KAZN: variants seen among roughly 807,000 people sequenced by gnomAD.
KAZN encodes the protein kazrin, periplakin interacting protein.
A neutral mutation model predicts 87.4 loss-of-function variants in KAZN; 40 were observed. The ratio of observed to expected loss-of-function variants is 0.46; its 90% CI spans 0.36 to 0.60. The LOEUF is 0.60. KAZN is among the 20% of genes least tolerant of loss of function. The probability of loss-of-function intolerance (pLI) is 0.00; values close to 1 mark genes in which losing one functional copy is unlikely to be tolerated. For missense variants in KAZN, 898 were observed against 1,073.9 expected (o/e 0.84, Z 2.29); for synonymous variants, 466 against 458.3 (o/e 1.02, Z -0.22).
intron 1 of KAZN, among the ~76,000 whole-genome samples, chr1:14,141,766 A>AT (rs1038955385): frequency 8.5e-5 from 13 of 152,106 alleles, no homozygotes; most frequent in Admixed American, 7.2e-4. Flanking sequence ...ACTGAATGCA[A>AT]TTTTTTTAAG....
intron 2 of KAZN, among the ~76,000 whole-genome samples, chr1:14,987,142 G>T (rs1268006384): frequency 6.6e-6 from 1 of 152,114 alleles, no homozygotes; most frequent in Non-Finnish European, 1.5e-5. Flanking sequence ...TACTATGAAG[G>T]ATTCAAATGG....
At chr1:15,101,275 TTCTC>T (rs1274364547) in intron 10 of KAZN, among the ~76,000 whole-genome samples, 1 of 151,744 alleles carries the variant, frequency 6.6e-6, no homozygotes, top group Non-Finnish European at 1.5e-5. Flanking sequence ...TCTCTCTTTG[TTCTC>T]TCTTTCTGTG....
intron 2 of KAZN, among the ~76,000 whole-genome samples, chr1:14,330,731 A>G (rs774807514): frequency 6.6e-6 from 1 of 151,652 alleles, no homozygotes; most frequent in African/African-American, 2.4e-5. Context: ...AGCAACTGGA[A>G]AAAAAAAATT....
chr1:14,031,532 GA>G (rs1199848434), intron 1 of KAZN, among the ~76,000 whole-genome samples: 1 of 152,184 alleles, frequency 6.6e-6, no homozygotes, highest in Non-Finnish European at 1.5e-5. Context: ...CAAGGAAAAT[GA>G]AAAGATATGT....
intron 1 of KAZN, among the ~76,000 whole-genome samples, chr1:14,095,724 A>C (rs192848599): frequency 1.3e-5 from 2 of 152,304 alleles, no homozygotes; most frequent in East Asian, 3.9e-4. Flanking sequence ...ACAAGATTGC[A>C]GCCTCAAACT....
chr1:14,714,267 A>T (rs141623921), intron 1 of KAZN, among the ~76,000 whole-genome samples: 1 of 152,138 alleles, frequency 6.6e-6, no homozygotes, highest in Non-Finnish European at 1.5e-5. Context: ...TCCCTTCTCA[A>T]GAGGCATCTG....
In KAZN at chr1:14,949,907, C is replaced by T. The variant is rs143898147; in HGVS notation, c.227-10777C>T. On this transcript the variant is annotated intron_variant, in intron 1 of 14. Transcript: ENST00000376030. The surrounding 1 kb of genome is among the most constrained non-coding windows in gnomAD (Gnocchi z 4.3). ...GGCAGCAAGATGGTAGAAGAGGATC[C>T]GCTTGGCACTCAGGGCACCGAGGAG... Among the ~76,000 whole-genome samples the T allele has an allele frequency of 5.4e-3, 820 of 152,126 alleles. 7 individuals are homozygous for T. The highest frequency in any genetic ancestry group is 0.019 in the African/African-American group (790 of 41,464).
chr1:14,419,339 G>A (rs929569584), intron 2 of KAZN, among the ~76,000 whole-genome samples: 1 of 152,194 alleles, frequency 6.6e-6, no homozygotes, highest in African/African-American at 2.4e-5. Context: ...TGACGTCCGT[G>A]ATCTTTCCAC....
intron 1 of KAZN, among the ~76,000 whole-genome samples, chr1:14,887,076 A>C (rs1291085042): frequency 1.3e-5 from 2 of 152,166 alleles, no homozygotes; most frequent in Non-Finnish European, 2.9e-5. Context: ...TTATTCATTT[A>C]TTTGTTGCAC....
chr1:14,927,962 G>A (rs889138085), intron 1 of KAZN, among the ~76,000 whole-genome samples: 4 of 134,882 alleles, frequency 3.0e-5, no homozygotes, highest in African/African-American at 1.5e-4. Context: ...AGGATGCCTT[G>A]TCTTCATGGG....
chr1:14,083,647 CTT>C (rs2101597830), intron 1 of KAZN, among the ~76,000 whole-genome samples: 1 of 152,274 alleles, frequency 6.6e-6, no homozygotes, highest in Non-Finnish European at 1.5e-5. Context: ...ATTAGAAAGA[CTT>C]AGATCTGGGA....
intron 2 of KAZN, among the ~76,000 whole-genome samples, chr1:14,261,537 T>A (rs1651016261): frequency 6.6e-6 from 1 of 152,128 alleles, no homozygotes; most frequent in South Asian, 2.1e-4. Flanking sequence ...AGTTGCTGCT[T>A]TACCTGCCTT....
At chr1:14,755,429 T>TA (rs1293295444) in intron 1 of KAZN, among the ~76,000 whole-genome samples, 3 of 152,304 alleles carry the variant, frequency 2.0e-5, no homozygotes, top group African/African-American at 4.8e-5. Context: ...AGCTTTACTG[T>TA]AAAAAATATA....
intron 2 of KAZN, among the ~76,000 whole-genome samples, chr1:14,518,513 A>T (rs1374800057): frequency 6.6e-6 from 1 of 152,182 alleles, no homozygotes; most frequent in African/African-American, 2.4e-5. Flanking sequence ...GTAAGAAAGC[A>T]TTAGGAATGT....
Position 14,426,015 on chromosome 1 carries a change from A to G in KAZN, c.250-172968A>G, listed in dbSNP as rs1665706301. On this transcript the variant is annotated intron_variant, in intron 2 of 16. Transcript: ENST00000636203. The stretch of plus-strand genomic sequence containing the variant: ...TAAATTGACAGTCTCTGTTCTGAAC[A>G]CAGTGACAACTCAGCTTACTCAGAG... 1.3e-5 allele frequency among the ~76,000 whole-genome samples: 2 copies of G among 152,204 alleles called. 1 individual carries two copies. Among genetic ancestry groups the G allele is most frequent in the South Asian group, 4.1e-4 (2 of 4,828 alleles).
chr1:15,104,303 C>A, intron 13 of KAZN, 114 bp downstream of exon 13: 2 of 1,087,690 alleles, frequency 1.8e-6, no homozygotes, highest in Non-Finnish European at 2.6e-6. Flanking sequence ...GCCTCCCACT[C>A]GTTCTTTGCA....
chr1:14,557,161 G>T (rs1316171074), intron 2 of KAZN, among the ~76,000 whole-genome samples: 1 of 152,168 alleles, frequency 6.6e-6, no homozygotes, highest in African/African-American at 2.4e-5. Context: ...TTAGCAGACT[G>T]CATGAAAAAT....
chr1:13,952,805 T>C (rs117827955), intron 1 of KAZN, among the ~76,000 whole-genome samples: 74 of 152,322 alleles, frequency 4.9e-4, no homozygotes, highest in East Asian at 4.1e-3. Context: ...TAGTATCAGC[T>C]GGACCACAAT....
At chr1:14,115,788 C>T (rs75133488) in intron 1 of KAZN, among the ~76,000 whole-genome samples, 2 of 152,114 alleles carry the variant, frequency 1.3e-5, no homozygotes, top group African/African-American at 2.4e-5. Flanking sequence ...TTCCTAGAGA[C>T]TTGTTGAATA....
Sources: gnomAD v4.1 joint callset for allele counts (sites outside exome capture counted in the v4.1 genomes callset) on GRCh38, gnomAD v4.1.1 for gene constraint, Gnocchi (gnomAD v3.1) non-coding constraint, MANE v1.5 for transcripts, NCBI Gene and HGNC (gene_info 2026-07-23, HGNC 2026-07-21) for gene names.